The following PTPRT variants were observed in gnomAD, a reference collection of about 807,000 sequenced individuals.
PTPRT encodes receptor-type tyrosine-protein phosphatase T.
Under a neutral mutation model 176.8 loss-of-function variants are expected in PTPRT, and 56 were observed. That is an observed-to-expected ratio of 0.32 (90% CI 0.26 to 0.40). PTPRT has a LOEUF of 0.40. Ranked by LOEUF, PTPRT falls within the 10% of genes least tolerant of loss-of-function variation. PTPRT has a pLI of 1.00. For missense variants in PTPRT, 1,540 were observed against 1,908.2 expected, an observed-to-expected ratio of 0.81 and a Z score of 3.60; for synonymous variants, 783 against 739.0, an observed-to-expected ratio of 1.06 and a Z score of -0.96.
intron 11 of PTPRT, among the ~76,000 whole-genome samples, chr20:42,337,574 A>G (rs2058057938): frequency 6.6e-6 from 1 of 152,110 alleles, no homozygotes; most frequent in South Asian, 2.1e-4. Context: ...AGTGTGTATG[A>G]CCCACTCCTT....
At chr20:42,717,237 A>T (rs940156154) in intron 6 of PTPRT, among the ~76,000 whole-genome samples, 10 of 151,310 alleles carry the variant, frequency 6.6e-5, no homozygotes, top group African/African-American at 2.4e-4. Context: ...TAGGTCTTAC[A>T]TGGATTTCAA....
intron 1 of PTPRT, among the ~76,000 whole-genome samples, chr20:42,993,198 C>A (rs1305861017): frequency 1.3e-5 from 2 of 151,796 alleles, no homozygotes; most frequent in African/African-American, 4.9e-5. Context: ...GTGGGTGGAT[C>A]ACACGGTCAA....
chr20:43,091,071 A>G (rs1294339956), intron 1 of PTPRT, among the ~76,000 whole-genome samples: 2 of 152,172 alleles, frequency 1.3e-5, no homozygotes, highest in Non-Finnish European at 2.9e-5. Context: ...TCTCTACTAA[A>G]AATACAAAAA....
chr20:42,456,099 G>A (rs1043917585), intron 8 of PTPRT, among the ~76,000 whole-genome samples: 1 of 151,888 alleles, frequency 6.6e-6, no homozygotes, highest in Admixed American at 6.6e-5. Flanking sequence ...GTGTTTTATA[G>A]ATTTATACGT....
intron 7 of PTPRT, among the ~76,000 whole-genome samples, chr20:42,516,818 T>C (rs2072075994): frequency 6.6e-6 from 1 of 152,172 alleles, no homozygotes; most frequent in African/African-American, 2.4e-5. Context: ...ATAGAAACAT[T>C]GGCAAATTCT....
chr20:42,999,629 TGTTGTGGTG>T (rs1984431638), intron 1 of PTPRT, among the ~76,000 whole-genome samples: 2 of 151,440 alleles, frequency 1.3e-5, no homozygotes, highest in Non-Finnish European at 2.9e-5. Flanking sequence ...TTGTTGTTGT[TGTTGTGGTG>T]GTTGTTGTTG....
downstream of PTPRT, among the ~76,000 whole-genome samples, chr20:42,067,881 A>G (rs932071095): frequency 2.8e-4 from 43 of 152,132 alleles, no homozygotes; most frequent in African/African-American, 1.0e-3. Flanking sequence ...TGAAAGCAAA[A>G]CCTTAAACGA....
chr20:42,652,019 G>T (rs552553147), intron 7 of PTPRT, among the ~76,000 whole-genome samples: 1 of 151,482 alleles, frequency 6.6e-6, no homozygotes, highest in East Asian at 1.9e-4. Flanking sequence ...CTGCACTCCA[G>T]CCTGGGCAAC....
At chr20:42,522,860 T>C (rs1160300872) in intron 7 of PTPRT, among the ~76,000 whole-genome samples, 1 of 152,180 alleles carries the variant, frequency 6.6e-6, no homozygotes, top group Non-Finnish European at 1.5e-5. Flanking sequence ...TAGAAGAGAA[T>C]ATAGTCCAAA....
intron 12 of PTPRT, among the ~76,000 whole-genome samples, chr20:42,312,159 G>A (rs532234572): frequency 1.3e-5 from 2 of 152,222 alleles, no homozygotes; most frequent in Admixed American, 6.5e-5. Flanking sequence ...GTAGGTCTTC[G>A]TATTCCACAT....
chr20:42,627,951 A>G (rs1030318818), intron 7 of PTPRT, among the ~76,000 whole-genome samples: 1 of 152,104 alleles, frequency 6.6e-6, no homozygotes, highest in South Asian at 2.1e-4. Flanking sequence ...GCACATGCAC[A>G]CTTTTATAGG....
intron 2 of PTPRT, among the ~76,000 whole-genome samples, chr20:42,819,446 C>T (rs2145648969): frequency 6.6e-6 from 1 of 152,306 alleles, no homozygotes; most frequent in Non-Finnish European, 1.5e-5. Flanking sequence ...ACTGCAAAAA[C>T]ATACTAAAAT....
intron 22 of PTPRT, among the ~76,000 whole-genome samples, chr20:42,111,335 A>G (rs956994689): frequency 6.6e-6 from 1 of 152,184 alleles, no homozygotes; most frequent in Non-Finnish European, 1.5e-5. Flanking sequence ...ATCATTTACC[A>G]AGTGTGACCT....
intron 7 of PTPRT, among the ~76,000 whole-genome samples, chr20:42,637,773 T>C (rs2145919612): frequency 6.6e-6 from 1 of 152,212 alleles, no homozygotes; most frequent in African/African-American, 2.4e-5. Flanking sequence ...AATACAAATT[T>C]GTTAAAGAAA....
chr20:42,032,218 A>G, the PTPRT span, among the ~76,000 whole-genome samples: 1 of 152,140 alleles, frequency 6.6e-6, no homozygotes, highest in African/African-American at 2.4e-5. Flanking sequence ...ATGGGGAGTG[A>G]TAGGATATCC....
intron 7 of PTPRT, among the ~76,000 whole-genome samples, chr20:42,493,236 C>T (rs1387485025): frequency 6.6e-6 from 1 of 152,156 alleles, no homozygotes; most frequent in Non-Finnish European, 1.5e-5. Context: ...CCATGGCATG[C>T]AGCCAGAATG....
intron 7 of PTPRT, among the ~76,000 whole-genome samples, chr20:42,478,947 G>A (rs1261333432): frequency 6.6e-6 from 1 of 152,136 alleles, no homozygotes; most frequent in Admixed American, 6.6e-5. Context: ...TGAAGACCAA[G>A]CCACCCGAAT....
intron 1 of PTPRT, among the ~76,000 whole-genome samples, chr20:42,996,214 C>T (rs1984212310): frequency 6.6e-6 from 1 of 152,160 alleles, no homozygotes; most frequent in Non-Finnish European, 1.5e-5. Context: ...TGCCAGCACA[C>T]ATGTGAGCAA....
chr20:42,871,760 G>T (rs1208716999), intron 2 of PTPRT, among the ~76,000 whole-genome samples: 1 of 150,882 alleles, frequency 6.6e-6, no homozygotes, highest in African/African-American at 2.5e-5. Flanking sequence ...GGTACCCTTA[G>T]TGAAGATTAT....
Sources: allele counts gnomAD v4.1 joint callset (sites outside exome capture counted in the v4.1 genomes callset), GRCh38; gene constraint gnomAD v4.1.1; transcripts MANE v1.5; gene names NCBI Gene and HGNC (gene_info 2026-07-23, HGNC 2026-07-21).